Variants in PDE10A observed in about 807,000 individuals in gnomAD.
PDE10A encodes the protein phosphodiesterase 10A, also known as cAMP and cAMP-inhibited cGMP 3',5'-cyclic phosphodiesterase 10A.
Under a neutral mutation model 97.7 loss-of-function variants are expected in PDE10A, and 39 were observed. The ratio of observed to expected loss-of-function variants is 0.40; its 90% confidence interval spans 0.31 to 0.52. The LOEUF is 0.52. PDE10A is among the 20% of genes least tolerant of loss of function. PDE10A has a pLI of 0.56. For synonymous variants in PDE10A, 371 were observed against 376.8 expected, an observed-to-expected ratio of 0.98 and a Z score of 0.18; for missense variants, 731 against 1,047.8, an observed-to-expected ratio of 0.70 and a Z score of 4.17.
intron 19 of PDE10A, 84 bp downstream of exon 19, chr6:165,343,307 G>T (rs1782091040): frequency 4.2e-6 from 4 of 953,858 alleles, no homozygotes; most frequent in Non-Finnish European, 6.8e-6. Context: ...CTATCAACAT[G>T]AACAACTAAA....
rs369766952 is a variant in PDE10A, at chr6:165,329,234, C to G, written c.*3791G>C. On this transcript the variant is annotated 3_prime_UTR_variant, in exon 22 of 22. Coordinates refer to ENST00000539869, the MANE Select transcript of PDE10A (RefSeq NM_001385079.1). The stretch of plus-strand genomic sequence containing the variant: ...GTGTCACAGTTCTCTGAAGTTCTTG[C>G]CGAAAAGACTGACTCTGAACAGTTC... 5.3e-5 allele frequency: 8 copies of G among 152,222 alleles called. No homozygotes were observed. The East Asian group carries it at 7.7e-4, about 15-fold the overall frequency. 9.4% of individuals were successfully genotyped at this position (152,222 alleles called of 1,614,324 possible).
chr6:165,838,400 T>C (rs985737511), intron 1 of PDE10A, among the ~76,000 whole-genome samples: 1 of 151,752 alleles, frequency 6.6e-6, no homozygotes, highest in African/African-American at 2.4e-5. Context: ...TTCCACTTTT[T>C]AAAAATTGAG....
chr6:165,552,641 G>A (rs73786635), intron 1 of PDE10A, among the ~76,000 whole-genome samples: 2,468 of 152,196 alleles, frequency 0.016, 46 homozygotes, highest in African/African-American at 0.047. Flanking sequence ...AGGTATCCTC[G>A]GAAGCCTGTG....
Position 165,974,860 on chromosome 6 carries a change from G to A in PDE10A, c.-615+12669C>T, listed in dbSNP as rs369230105. On this transcript the variant is annotated intron_variant, in intron 1 of 19. Transcript: ENST00000366882. ...GCAGGAGGAACAGAGGGTGACTGTC[G>A]TGCCTCTCTGCACAGTTTTCTCTTG... Among the ~76,000 whole-genome samples, 5 of 152,346 alleles carry A rather than the reference G, an allele frequency of 3.3e-5. No individual in the cohort carries two copies. The South Asian group carries it at 8.3e-4, about 25-fold the overall frequency.
chr6:165,437,044 G>T (rs907077832), intron 5 of PDE10A, among the ~76,000 whole-genome samples: 1 of 152,272 alleles, frequency 6.6e-6, no homozygotes, highest in African/African-American at 2.4e-5. Context: ...ACCAAAGACG[G>T]AACTGCAGGA....
chr6:165,801,138 A>G (rs371099853), intron 1 of PDE10A, among the ~76,000 whole-genome samples: 46 of 152,362 alleles, frequency 3.0e-4, no homozygotes, highest in African/African-American at 1.1e-3. Flanking sequence ...GAACTTGTCC[A>G]TGTCAGTGTC....
intron 1 of PDE10A, among the ~76,000 whole-genome samples, chr6:165,875,731 G>GTTTTTTTTTTTTTTTTTTT (rs748111095): frequency 4.3e-5 from 2 of 46,946 alleles, no homozygotes; most frequent in African/African-American, 1.6e-4. Flanking sequence ...TTCTTTTACT[G>GTTTTTTTTTTTTTTTTTTT]TTTTTTTTTT....
chr6:165,652,635 C>G (rs1304284288), intron 1 of PDE10A, among the ~76,000 whole-genome samples: 12 of 152,160 alleles, frequency 7.9e-5, no homozygotes, highest in Admixed American at 7.2e-4. Context: ...CAGCCTCCAC[C>G]CATCCCTGGA....
intron 1 of PDE10A, among the ~76,000 whole-genome samples, chr6:165,881,654 G>A (rs983189597): frequency 4.0e-5 from 6 of 149,770 alleles, no homozygotes; most frequent in African/African-American, 4.9e-5. Context: ...CCGCCTGCCC[G>A]CTCCCAAAGT....
chr6:165,388,326 T>C lies in PDE10A; in HGVS notation c.2582A>G (p.His861Arg). The change falls in exon 17 of 22, where the codon CAC becomes CGC. Residue 861 changes from histidine to arginine, a missense_variant. His to Arg is a conservative substitution (Grantham distance 29). Transcript: ENST00000539869. The surrounding 1 kb of genome is among the most constrained non-coding windows in gnomAD (Gnocchi z 4.0). ...LYSTSTMEQH[H>R]FSQTVSILQL... ...GAGGATGGACACAGTCTGGGAGAAGTGGTGCTGCTCCATGGTGGAAGTGGA... is the reference window on the plus strand; with the variant it reads ...GAGGATGGACACAGTCTGGGAGAAGCGGTGCTGCTCCATGGTGGAAGTGGA... 4 of 1,613,936 alleles carry C rather than the reference T, an allele frequency of 2.5e-6. No individual in the cohort carries two copies. The highest frequency in any genetic ancestry group is 2.5e-6 in the Non-Finnish European group (3 of 1,179,944).
At chr6:165,416,594 G>A (rs750755086) in intron 11 of PDE10A, among the ~76,000 whole-genome samples, 4 of 152,064 alleles carry the variant, frequency 2.6e-5, no homozygotes, top group African/African-American at 7.2e-5. Context: ...TTTACAAGAC[G>A]CTTCAACATA....
intron 1 of PDE10A, among the ~76,000 whole-genome samples, chr6:165,813,033 C>T (rs1779321190): frequency 6.6e-6 from 1 of 152,152 alleles, no homozygotes; most frequent in Admixed American, 6.5e-5. Context: ...GTTAATAAAA[C>T]CATTATTTCA....
At chr6:165,724,133 A>C (rs1257583399) in intron 1 of PDE10A, among the ~76,000 whole-genome samples, 1 of 152,338 alleles carries the variant, frequency 6.6e-6, no homozygotes, top group East Asian at 1.9e-4. Flanking sequence ...CAGGGCACAC[A>C]CTGGGCATGG....
At chr6:165,383,226 T>G (rs1785044223) in intron 17 of PDE10A, among the ~76,000 whole-genome samples, 2 of 152,208 alleles carry the variant, frequency 1.3e-5, no homozygotes, top group South Asian at 4.1e-4. Context: ...TCTAAAATTT[T>G]GACTATTTTT....
chr6:165,730,324 G>A (rs1792398640), intron 1 of PDE10A, among the ~76,000 whole-genome samples: 2 of 152,134 alleles, frequency 1.3e-5, no homozygotes, highest in Non-Finnish European at 2.9e-5. Context: ...GAATGTAAAA[G>A]CCATGTGTTC....
In PDE10A at chr6:165,622,522, GTATCTAAACA is replaced by G. The variant is rs540658660; in HGVS notation, c.865+39415_865+39424del. Among the ~76,000 whole-genome samples the G allele has an allele frequency of 3.4e-4, 52 of 152,254 alleles. No homozygotes were observed. The South Asian group carries it at 6.8e-3, about 20-fold the overall frequency. The stretch of plus-strand genomic sequence containing the variant: ...CTGTAACACAATGCTAAGGATTTGT[GTATCTAAACA>G]TATCTAAACATAGGAAAGCTACAGT... On this transcript the variant is annotated intron_variant, in intron 1 of 21. Coordinates refer to ENST00000539869, the MANE Select transcript of PDE10A (RefSeq NM_001385079.1).
chr6:165,746,053 T>G lies in PDE10A; in HGVS notation c.-614-202485A>C, dbSNP rs183314423. 3.6e-3 allele frequency among the ~76,000 whole-genome samples: 553 copies of G among 152,334 alleles called. 3 individuals carry two copies. The highest frequency in any genetic ancestry group is 0.013 in the African/African-American group (531 of 41,576). On this transcript the variant is annotated intron_variant, in intron 1 of 19. Transcript: ENST00000366882. ...CATGCACTTATGATGCTGACATACG[T>G]GAATGGATACACATATGTGTGCATT... is the stretch of plus-strand genomic sequence containing the variant.
At chr6:165,985,368 T>C (rs1366007282) in intron 1 of PDE10A, among the ~76,000 whole-genome samples, 1 of 152,234 alleles carries the variant, frequency 6.6e-6, no homozygotes, top group Non-Finnish European at 1.5e-5. Context: ...AAATCAGATA[T>C]CCAAGTATCA....
intron 2 of PDE10A, among the ~76,000 whole-genome samples, chr6:165,539,532 T>C (rs1783296478): frequency 6.6e-6 from 1 of 152,208 alleles, no homozygotes; most frequent in Non-Finnish European, 1.5e-5. Flanking sequence ...ATTTGTAGAC[T>C]GAGAACCCTT....
Sources: gnomAD v4.1 joint callset for allele counts (sites outside exome capture counted in the v4.1 genomes callset) on GRCh38, gnomAD v4.1.1 for gene constraint, Gnocchi (gnomAD v3.1) non-coding constraint, MANE v1.5 for transcripts, NCBI Gene and HGNC (gene_info 2026-07-23, HGNC 2026-07-21) for gene names.